Variants in ALG13 observed in about 807,000 individuals in gnomAD.
The protein encoded by ALG13 is ALG13 UDP-N-acetylglucosaminyltransferase subunit, also known as UDP-N-acetylglucosamine transferase subunit ALG13.
ALG13 carries 11 observed loss-of-function variants against 87.8 expected under a neutral mutation model. The observed-to-expected ratio is 0.13, with a 90% confidence interval of 0.08 to 0.21. ALG13 has a LOEUF of 0.21. Among genes scored for constraint, ALG13 ranks in the 10% least tolerant of loss-of-function variants. The pLI is 1.00. For synonymous variants in ALG13, 320 were observed against 306.3 expected, an observed-to-expected ratio of 1.04 and a Z score of -0.47; for missense variants, 756 against 866.1, an observed-to-expected ratio of 0.87 and a Z score of 1.60.
chrX:111,696,219 A>G (rs767250817), intron 3 of ALG13, among the ~76,000 whole-genome samples: 2 of 111,625 alleles, frequency 1.8e-5, no homozygotes, highest in Non-Finnish European at 3.8e-5. Flanking sequence ...CCCAAAAGCT[A>G]TTTTTAATAT....
chrX:111,756,046 A>T lies in ALG13; in HGVS notation c.2974-1542A>T, dbSNP rs939850111. Among the ~76,000 whole-genome samples, 3 of 112,651 alleles carry T rather than the reference A, an allele frequency of 2.7e-5. No individual in the cohort carries two copies. The Admixed American group carries it at 2.8e-4, about 11-fold the overall frequency. The stretch of plus-strand genomic sequence containing the variant: ...CCATCAATGATAGACTGCATAAAGA[A>T]AATGTGGCACATACACACCATGGAA... On this transcript the variant is annotated intron_variant, in intron 25 of 26. Transcript: ENST00000394780.
chrX:111,746,749 G>A (rs1181091690), intron 24 of ALG13, among the ~76,000 whole-genome samples: 1 of 112,171 alleles, frequency 8.9e-6, no homozygotes, highest in Non-Finnish European at 1.9e-5. Context: ...ACTTTTATAA[G>A]TAACTGCCAA....
At chrX:111,723,661 A>G (rs1313677558) in intron 13 of ALG13, 137 bp from the exon 14 acceptor site, 2 of 426,206 alleles carry the variant, frequency 4.7e-6, no homozygotes, top group Non-Finnish European at 8.2e-6. Context: ...TGCTGTCTCC[A>G]TTGATCCAGA....
Position 111,760,039 on chromosome X carries a change from T to G in ALG13, c.*40T>G. The G allele has an allele frequency of 8.5e-7, 1 of 1,170,703 alleles. No individual in the cohort carries two copies. Among genetic ancestry groups the G allele is most frequent in the Non-Finnish European group, 1.1e-6 (1 of 873,343 alleles). ...AAGTATTCTTGCACTGCCATTTTCT[T>G]GCTGTTTTTGTTTTTAAAAAGTATT... On this transcript the variant is annotated 3_prime_UTR_variant, in exon 27 of 27. Transcript: ENST00000394780.
intron 3 of ALG13, among the ~76,000 whole-genome samples, chrX:111,686,832 C>T (rs1005649975): frequency 8.9e-6 from 1 of 112,384 alleles, no homozygotes; most frequent in South Asian, 3.7e-4. Flanking sequence ...GGAAACTGTA[C>T]AAGTCTCCAA....
chrX:111,744,725 TACCACCACCACC>T lies in ALG13; in HGVS notation c.2787_2798del (p.Pro942_Pro945del), dbSNP rs750710267. 92 of 1,099,388 alleles carry T rather than the reference TACCACCACCACC, an allele frequency of 8.4e-5. No homozygotes were observed. Among genetic ancestry groups the T allele is most frequent in the East Asian group, 2.4e-4 (7 of 29,450 alleles). 90.6% of individuals were successfully genotyped at this position (1,099,388 alleles called of 1,213,427 possible). On this transcript the variant is annotated inframe_deletion, in exon 24 of 27. Transcript: ENST00000394780. Reference sequence around the variant, plus strand: ...GCTATTCCTCATGCTGGTGCCTCTCTACCACCACCACCACCACCACCACCACCACCACCACCA... The same window carrying T: ...GCTATTCCTCATGCTGGTGCCTCTCTACCACCACCACCACCACCACCACCA...
At position 111,746,894 on chromosome X, in the gene ALG13, A is replaced by G. The variant is rs772977041; in HGVS notation, c.2932+1990A>G. ...CCATTCTGGTGACTGATCATGTTGT[A>G]AAAAAATCTATTTTATAGAGCAGTT... is the stretch of plus-strand genomic sequence containing the variant. On this transcript the variant is annotated intron_variant, in intron 24 of 26. Transcript: ENST00000394780. Among the ~76,000 whole-genome samples the G allele has an allele frequency of 3.6e-5, 4 of 111,667 alleles. No homozygotes were observed. The South Asian group carries it at 1.5e-3, about 42-fold the overall frequency.
chrX:111,707,947 TTCTC>T (rs1939071812), intron 3 of ALG13, 76 bp from the exon 4 acceptor site: 1 of 1,018,303 alleles, frequency 9.8e-7, no homozygotes, highest in South Asian at 2.4e-5. Flanking sequence ...TCTAAGTACT[TTCTC>T]CCTCCCTCCC....
chrX:111,727,063 A>G lies in ALG13; in HGVS notation c.1976+8A>G, dbSNP rs1331761443. ...GGGATATGGGATGCCCAGGTAAGAC[A>G]TTGACAGATTTGTATTTTCATGGTC... On this transcript the variant is annotated splice_region_variant and intron_variant, in intron 16 of 26. Transcript: ENST00000394780. 4.1e-6 allele frequency: 5 copies of G among 1,208,510 alleles called. No homozygotes were observed. Among genetic ancestry groups the G allele is most frequent in the South Asian group, 1.8e-5 (1 of 56,648 alleles).
At position 111,708,879 on chromosome X, in the gene ALG13, C is replaced by T. The variant is rs368591209; in HGVS notation, c.751-86C>T. On this transcript the variant is annotated intron_variant, in intron 4 of 26. Transcript: ENST00000394780. ...CTACATATGTTCTGAATAAGGAAGC[C>T]TTAAGTGTCCAGTTCATAGTCTTGA... 3 of 585,823 alleles carry T rather than the reference C, an allele frequency of 5.1e-6. No homozygotes were observed. In the East Asian group the frequency reaches 1.2e-4, roughly 24 times the overall value. 48.3% of individuals were successfully genotyped at this position (585,823 alleles called of 1,213,427 possible).
rs762379771 is a variant in ALG13, at chrX:111,682,098, T to TA, written c.82-30dup. On this transcript the variant is annotated intron_variant, in intron 1 of 26. Coordinates refer to ENST00000394780, the MANE Select transcript of ALG13 (RefSeq NM_001099922.3). ...CCTGCTCTGTTTTACATAGCCAGTT[T>TA]AAAAGGCCCTCACATTCTGATTTCC... is the stretch of plus-strand genomic sequence containing the variant. 16 of 1,135,948 alleles carry TA rather than the reference T, an allele frequency of 1.4e-5. No individual in the cohort carries two copies. In the East Asian group the frequency reaches 2.5e-4, roughly 18 times the overall value. 93.6% of individuals were successfully genotyped at this position (1,135,948 alleles called of 1,213,427 possible).
At chrX:111,711,333 T>C (rs1939738484) in intron 5 of ALG13, among the ~76,000 whole-genome samples, 1 of 112,378 alleles carries the variant, frequency 8.9e-6, no homozygotes, top group Admixed American at 9.4e-5. Context: ...ATGCATGTTT[T>C]GTCAAATTTG....
Position 111,727,316 on chromosome X carries a change from T to G in ALG13, c.1977-16T>G, listed in dbSNP as rs1161399477. 1 of 1,167,513 alleles carries G rather than the reference T, an allele frequency of 8.6e-7. No individual in the cohort carries two copies. Among genetic ancestry groups the G allele is most frequent in the Admixed American group, 2.2e-5 (1 of 45,018 alleles). On this transcript the variant is annotated splice_polypyrimidine_tract_variant and intron_variant, in intron 16 of 26. Coordinates refer to ENST00000394780, the MANE Select transcript of ALG13 (RefSeq NM_001099922.3). ...AGTGAATAGAGAGTTCTAGTTTCCT[T>G]TCTCTTTATTCTTAGGAATTCATCT...
At chrX:111,737,563 A>G (rs1943359612) in intron 23 of ALG13, among the ~76,000 whole-genome samples, 2 of 112,212 alleles carry the variant, frequency 1.8e-5, no homozygotes, top group African/African-American at 3.2e-5. Flanking sequence ...TCTAGGTGAC[A>G]AGGTATCCCC....
At chrX:111,705,856 T>C (rs1378847997) in intron 3 of ALG13, among the ~76,000 whole-genome samples, 1 of 111,274 alleles carries the variant, frequency 9.0e-6, no homozygotes, top group Non-Finnish European at 1.9e-5. Context: ...TGTTTTTTTT[T>C]CAGTTTTCTA....
chrX:111,700,751 A>ATTTT (rs772630509), intron 3 of ALG13, among the ~76,000 whole-genome samples: 2 of 50,702 alleles, frequency 3.9e-5, no homozygotes, highest in African/African-American at 1.3e-4. Context: ...TAATTTTTGT[A>ATTTT]TTTTTTTTTT....
chrX:111,693,519 T>C (rs1015003860), intron 3 of ALG13, among the ~76,000 whole-genome samples: 2 of 111,641 alleles, frequency 1.8e-5, no homozygotes, highest in African/African-American at 6.5e-5. Flanking sequence ...GTGCTGGGAT[T>C]ACAGGCATGA....
rs764357814 is a variant in ALG13, at chrX:111,703,416, C to T, written c.384-4611C>T. 4.1e-3 allele frequency among the ~76,000 whole-genome samples: 459 copies of T among 111,493 alleles called. 7 individuals are homozygous for T. Among genetic ancestry groups the T allele is most frequent in the Middle Eastern group, 0.014 (3 of 216 alleles). ...TAAATTTAAATACAGTAAAATTGGC[C>T]TGTTTTCTTATATAGTTCTATAATT... On this transcript the variant is annotated intron_variant, in intron 3 of 26. Coordinates refer to ENST00000394780, the MANE Select transcript of ALG13 (RefSeq NM_001099922.3).
At chrX:111,749,455 A>G (rs1944520255) in intron 24 of ALG13, among the ~76,000 whole-genome samples, 1 of 109,500 alleles carries the variant, frequency 9.1e-6, no homozygotes, top group Non-Finnish European at 1.9e-5. Flanking sequence ...TAAGGTTTGA[A>G]GTAAGGTAGG....
Sources: allele counts gnomAD v4.1 joint callset (sites outside exome capture counted in the v4.1 genomes callset), GRCh38; gene constraint gnomAD v4.1.1; transcripts MANE v1.5; gene names NCBI Gene and HGNC (gene_info 2026-07-23, HGNC 2026-07-21).